Variants in MRPS35 observed in about 807,000 individuals in gnomAD.
MRPS35 encodes the protein small ribosomal subunit protein mS35.
In MRPS35, 29 loss-of-function variants were observed where a neutral mutation model predicts 32.7. The observed-to-expected ratio is 0.89, with a 90% CI of 0.66 to 1.21. The LOEUF (loss-of-function observed/expected upper bound fraction) is 1.21, where lower values mean the gene tolerates loss of function less well. Ranked by LOEUF, MRPS35 falls within the 50% of genes most tolerant of loss-of-function variation. MRPS35 has a pLI of 0.00. For synonymous variants in MRPS35, 148 were observed against 139.3 expected (o/e 1.06, Z -0.44); for missense variants, 373 against 383.8 (o/e 0.97, Z 0.23).
chr12:27,711,532 CT>C (rs2061823863), intron 1 of MRPS35, among the ~76,000 whole-genome samples: 1 of 152,128 alleles, frequency 6.6e-6, no homozygotes, highest in South Asian at 2.1e-4. Context: ...AGAAGTGTGG[CT>C]AGAATGACGG....
At chr12:27,733,514 A>G (rs1164547701) in intron 5 of MRPS35, among the ~76,000 whole-genome samples, 1 of 152,166 alleles carries the variant, frequency 6.6e-6, no homozygotes, top group Admixed American at 6.6e-5. Flanking sequence ...AGGGAGGTTT[A>G]AAAAAGGCAA....
At chr12:27,755,101 GA>G (rs2062021023) in intron 7 of MRPS35, 79 bp from the exon 8 acceptor site, 1 of 1,400,296 alleles carries the variant, frequency 7.1e-7, no homozygotes, top group Non-Finnish European at 9.6e-7. Context: ...AAAAAAAGAA[GA>G]AAGAAAGGAA....
chr12:27,711,041 G>A, intron 1 of MRPS35, 86 bp downstream of exon 1: 2 of 1,266,944 alleles, frequency 1.6e-6, no homozygotes, highest in South Asian at 1.3e-5. Context: ...CGGTGGCTGA[G>A]CCAGCGCCGC....
intron 7 of MRPS35, among the ~76,000 whole-genome samples, chr12:27,740,525 C>T (rs1159782525): frequency 6.6e-6 from 1 of 152,180 alleles, no homozygotes; most frequent in Non-Finnish European, 1.5e-5. Flanking sequence ...TCACCTTGGC[C>T]TCCCAAAGTG....
chr12:27,754,765 C>CAA (rs149548847), intron 7 of MRPS35, among the ~76,000 whole-genome samples: 5,106 of 103,400 alleles, frequency 0.049, 450 homozygotes, highest in African/African-American at 0.18. Flanking sequence ...AGACCCATCT[C>CAA]AAAAAAAAAA....
Position 27,755,777 on chromosome 12 carries a change from T to C in MRPS35, c.*327T>C, listed in dbSNP as rs1254841687. 2 of 161,026 alleles carry C rather than the reference T, an allele frequency of 1.2e-5. No individual in the cohort carries two copies. Among genetic ancestry groups the C allele is most frequent in the Non-Finnish European group, 2.7e-5 (2 of 74,506 alleles). The allele number at this position is 161,026 out of a possible 1,614,324, so 10.0% of individuals were successfully genotyped here. A position where few individuals can be genotyped will look rare whatever the true frequency, so the allele number is the denominator to read the frequency against. On this transcript the variant is annotated 3_prime_UTR_variant, in exon 8 of 8. Transcript: ENST00000081029. ...CCATTTCTTTCCCCACAAGCTGGCA[T>C]TTCAGTAGTTGCTTTTGAATAATGG...
chr12:27,728,396 A>G (rs1011233239), intron 5 of MRPS35, among the ~76,000 whole-genome samples: 3 of 152,200 alleles, frequency 2.0e-5, no homozygotes, highest in Admixed American at 1.3e-4. Flanking sequence ...AATTTGCTTC[A>G]TACACATACA....
chr12:27,733,092 A>G (rs1027813848), intron 5 of MRPS35, among the ~76,000 whole-genome samples: 3 of 141,748 alleles, frequency 2.1e-5, no homozygotes, highest in Non-Finnish European at 4.6e-5. Flanking sequence ...GGATAATGTT[A>G]ACAGTATTAT....
chr12:27,711,088 T>C, intron 1 of MRPS35, 133 bp downstream of exon 1: 1 of 780,152 alleles, frequency 1.3e-6, no homozygotes, highest in Non-Finnish European at 2.1e-6. Flanking sequence ...CAGGCCCGTC[T>C]GGTAGGAAAA....
At chr12:27,719,437 C>T (rs954763225) in intron 3 of MRPS35, among the ~76,000 whole-genome samples, 4 of 152,006 alleles carry the variant, frequency 2.6e-5, no homozygotes, top group Non-Finnish European at 4.4e-5. Flanking sequence ...GAGGCCGAGG[C>T]GGGTGGATCA....
intron 7 of MRPS35, among the ~76,000 whole-genome samples, chr12:27,740,731 T>A (rs1295749782): frequency 6.6e-6 from 1 of 152,170 alleles, no homozygotes; most frequent in Non-Finnish European, 1.5e-5. Context: ...TTCAAAACAG[T>A]TTAACTATAG....
chr12:27,755,059 C>G, intron 7 of MRPS35, 122 bp from the exon 8 acceptor site: 1 of 1,207,356 alleles, frequency 8.3e-7, no homozygotes, highest in Non-Finnish European at 1.1e-6. Flanking sequence ...CCACATTTTG[C>G]AAACTTCTCT....
At chr12:27,742,739 C>T (rs953461550) in intron 7 of MRPS35, among the ~76,000 whole-genome samples, 1 of 152,162 alleles carries the variant, frequency 6.6e-6, no homozygotes, top group African/African-American at 2.4e-5. Flanking sequence ...AACCAGAGGG[C>T]AACATTGAGC....
chr12:27,717,131 C>G (rs1276044677), intron 3 of MRPS35, among the ~76,000 whole-genome samples: 1 of 152,120 alleles, frequency 6.6e-6, no homozygotes, highest in Non-Finnish European at 1.5e-5. Context: ...ACATGCCTGC[C>G]TCAGCATCCC....
chr12:27,720,309 G>A (rs1375764250), intron 4 of MRPS35, among the ~76,000 whole-genome samples: 4 of 151,272 alleles, frequency 2.6e-5, no homozygotes, highest in Non-Finnish European at 1.5e-5. Flanking sequence ...CAGGAGAATC[G>A]CTTGAACTCA....
intron 7 of MRPS35, among the ~76,000 whole-genome samples, chr12:27,742,618 T>C (rs2061968154): frequency 6.6e-6 from 1 of 152,134 alleles, no homozygotes; most frequent in Non-Finnish European, 1.5e-5. Flanking sequence ...AGAAGTTTGG[T>C]GTAGCCAGGG....
At position 27,736,190 on chromosome 12, in the gene MRPS35, G is replaced by A. The variant is rs529344409; in HGVS notation, c.632+634G>A. Reference sequence around the variant, plus strand: ...CTTTTAGAGATAAGTTAAGTGGGCCGATCTGCTGTCTTCCTGCTCATCCCT... The same window carrying A: ...CTTTTAGAGATAAGTTAAGTGGGCCAATCTGCTGTCTTCCTGCTCATCCCT... On this transcript the variant is annotated intron_variant, in intron 6 of 7. Transcript: ENST00000081029. 2.7e-4 allele frequency among the ~76,000 whole-genome samples: 41 copies of A among 152,276 alleles called. No individual in the cohort carries two copies. In the South Asian group the frequency reaches 7.3e-3, roughly 27 times the overall value.
intron 1 of MRPS35, among the ~76,000 whole-genome samples, chr12:27,712,041 A>G (rs2061827928): frequency 1.3e-5 from 2 of 151,768 alleles, no homozygotes; most frequent in African/African-American, 4.8e-5. Context: ...AAGAAAAATA[A>G]AGTAGAGTAT....
At chr12:27,723,984 G>A in intron 4 of MRPS35, 63 bp from the exon 5 acceptor site, 1 of 1,523,220 alleles carries the variant, frequency 6.6e-7, no homozygotes, top group Admixed American at 1.9e-5. Context: ...TTGTCTAGTA[G>A]TATGCATTAC....
Sources: allele counts gnomAD v4.1 joint callset (sites outside exome capture counted in the v4.1 genomes callset), GRCh38; gene constraint gnomAD v4.1.1; transcripts MANE v1.5; gene names NCBI Gene and HGNC (gene_info 2026-07-23, HGNC 2026-07-21).